HERPUD2: variants seen among roughly 807,000 people sequenced by gnomAD.
HERPUD2 encodes the protein HERPUD family member 2, also known as homocysteine-responsive endoplasmic reticulum-resident ubiquitin-like domain member 2 protein.
HERPUD2 carries 13 observed loss-of-function variants against 49.9 expected under a neutral mutation model. The ratio of observed to expected loss-of-function variants is 0.26; its 90% CI spans 0.17 to 0.41. The LOEUF is 0.41. Among genes scored for constraint, HERPUD2 ranks in the 10% least tolerant of loss-of-function variants. The pLI, the probability that HERPUD2 is intolerant of heterozygous loss-of-function variation, is 1.00. For missense variants in HERPUD2, 449 were observed against 492.2 expected (o/e 0.91, Z 0.83); for synonymous variants, 172 against 171.4 (o/e 1.00, Z -0.03).
chr7:35,655,385 G>C (rs143235957), intron 5 of HERPUD2, among the ~76,000 whole-genome samples: 2 of 152,068 alleles, frequency 1.3e-5, no homozygotes, highest in African/African-American at 4.8e-5. Flanking sequence ...TCATCAAATG[G>C]GATTTATCCC....
intron 5 of HERPUD2, among the ~76,000 whole-genome samples, chr7:35,665,058 G>A (rs1455202505): frequency 2.0e-5 from 3 of 152,194 alleles, no homozygotes; most frequent in East Asian, 1.9e-4. Flanking sequence ...TAGGCTACTC[G>A]GGGGTCAGGG....
intron 5 of HERPUD2, among the ~76,000 whole-genome samples, chr7:35,657,825 A>C (rs1326437488): frequency 6.6e-6 from 1 of 150,550 alleles, no homozygotes; most frequent in East Asian, 2.0e-4. Flanking sequence ...AGGCTGAGGC[A>C]GGAGGTGAAT....
intron 4 of HERPUD2, among the ~76,000 whole-genome samples, chr7:35,669,392 C>T (rs1785601205): frequency 6.6e-6 from 1 of 152,188 alleles, no homozygotes. Flanking sequence ...ACCCCTGTCA[C>T]TTGTGCTCTC....
At chr7:35,636,674 C>A (rs1784875551) in intron 6 of HERPUD2, among the ~76,000 whole-genome samples, 2 of 151,992 alleles carry the variant, frequency 1.3e-5, no homozygotes, top group Admixed American at 1.3e-4. Context: ...GAGCCAAGGG[C>A]TTATGAAAGA....
intron 5 of HERPUD2, among the ~76,000 whole-genome samples, chr7:35,663,882 A>C (rs141663317): frequency 0.075 from 11,382 of 152,226 alleles, 603 homozygotes; most frequent in South Asian, 0.21. Flanking sequence ...TGGAGCATTT[A>C]GCCCATTTAC....
chr7:35,668,354 C>T (rs531442491), intron 4 of HERPUD2, among the ~76,000 whole-genome samples: 40 of 152,216 alleles, frequency 2.6e-4, no homozygotes, highest in African/African-American at 9.4e-4. Context: ...CTCATGGATT[C>T]AGTAACCATA....
chr7:35,635,054 C>G, intron 7 of HERPUD2, 81 bp downstream of exon 7: 1 of 1,025,856 alleles, frequency 9.7e-7, no homozygotes, highest in Non-Finnish European at 1.4e-6. Flanking sequence ...ACTCAACATT[C>G]ACAACAGACT....
At chr7:35,661,969 G>A (rs879660130) in intron 5 of HERPUD2, among the ~76,000 whole-genome samples, 8 of 152,222 alleles carry the variant, frequency 5.3e-5, no homozygotes, top group Non-Finnish European at 1.0e-4. Flanking sequence ...CAAAGGGAAT[G>A]CTTCCAGTTT....
intron 5 of HERPUD2, among the ~76,000 whole-genome samples, chr7:35,643,150 A>C (rs1157861347): frequency 1.3e-5 from 2 of 152,326 alleles, no homozygotes; most frequent in East Asian, 3.9e-4. Context: ...ACAATAGCTC[A>C]TTAATTTTTT....
At chr7:35,662,217 A>C (rs1337920113) in intron 5 of HERPUD2, among the ~76,000 whole-genome samples, 1 of 152,206 alleles carries the variant, frequency 6.6e-6, no homozygotes. Flanking sequence ...CATCCCAGGG[A>C]TGAAACTGAC....
In HERPUD2 at chr7:35,634,635, T is replaced by C. The variant is rs144649029; in HGVS notation, c.942-206A>G. Among the ~76,000 whole-genome samples, 1,041 of 152,318 alleles carry C rather than the reference T, an allele frequency of 6.8e-3. 10 individuals carry two copies. Among genetic ancestry groups the C allele is most frequent in the African/African-American group, 0.024 (991 of 41,570 alleles). On this transcript the variant is annotated intron_variant, in intron 7 of 8. Coordinates refer to ENST00000311350, the MANE Select transcript of HERPUD2 (RefSeq NM_022373.5). ...CCAACCCAAATCTCTAAGTCTATCA[T>C]GGACTCCACTGGCTCTATGTTAGTT...
intron 4 of HERPUD2, among the ~76,000 whole-genome samples, chr7:35,667,833 T>C (rs553403181): frequency 6.6e-6 from 1 of 152,274 alleles, no homozygotes; most frequent in South Asian, 2.1e-4. Context: ...AGGAGCAGAA[T>C]AATAATATAC....
At chr7:35,686,163 C>T (rs1786037975) in intron 2 of HERPUD2, among the ~76,000 whole-genome samples, 1 of 151,676 alleles carries the variant, frequency 6.6e-6, no homozygotes, top group Non-Finnish European at 1.5e-5. Flanking sequence ...TTATCCAGCC[C>T]TGCTAATATC....
At chr7:35,668,340 C>T (rs375439157) in intron 4 of HERPUD2, among the ~76,000 whole-genome samples, 9 of 152,106 alleles carry the variant, frequency 5.9e-5, no homozygotes, top group South Asian at 2.1e-4. Context: ...TTTTTATTCT[C>T]GTGCTCATGG....
chr7:35,661,927 G>A (rs1785432948), intron 5 of HERPUD2, among the ~76,000 whole-genome samples: 1 of 152,212 alleles, frequency 6.6e-6, no homozygotes, highest in African/African-American at 2.4e-5. Flanking sequence ...AAGGAGTGGT[G>A]AGAGACGGCA....
At chr7:35,690,770 T>C (rs1468988915) in intron 2 of HERPUD2, among the ~76,000 whole-genome samples, 2 of 151,736 alleles carry the variant, frequency 1.3e-5, no homozygotes, top group Admixed American at 6.6e-5. Flanking sequence ...GATAGCGCCA[T>C]TGCACTCCAG....
intron 5 of HERPUD2, among the ~76,000 whole-genome samples, chr7:35,657,162 A>C (rs1296948027): frequency 1.3e-5 from 2 of 152,208 alleles, no homozygotes; most frequent in Non-Finnish European, 2.9e-5. Context: ...CTCTTCTTAC[A>C]GTTAATAAAA....
At chr7:35,687,149 C>A (rs375473218) in intron 2 of HERPUD2, among the ~76,000 whole-genome samples, 12 of 152,234 alleles carry the variant, frequency 7.9e-5, no homozygotes, top group African/African-American at 2.9e-4. Flanking sequence ...TAGCTTAACA[C>A]AATAAAAGTT....
At chr7:35,677,085 A>C (rs915128278) in intron 2 of HERPUD2, among the ~76,000 whole-genome samples, 1 of 152,190 alleles carries the variant, frequency 6.6e-6, no homozygotes, top group Non-Finnish European at 1.5e-5. Context: ...TAAAAACTAT[A>C]AACAAGGTGC....
Sources: gnomAD v4.1 joint callset for allele counts (sites outside exome capture counted in the v4.1 genomes callset) on GRCh38, gnomAD v4.1.1 for gene constraint, MANE v1.5 for transcripts, NCBI Gene and HGNC (gene_info 2026-07-23, HGNC 2026-07-21) for gene names.